The following ASIC2 variants were observed in gnomAD, a reference collection of about 807,000 sequenced individuals.
The protein encoded by ASIC2 is acid-sensing ion channel 2.
A neutral mutation model predicts 57.3 loss-of-function variants in ASIC2; 25 were observed. That is an observed-to-expected ratio of 0.44 (90% CI 0.32 to 0.61). The LOEUF is 0.61. ASIC2 is among the 20% of genes least tolerant of loss of function. ASIC2 has a pLI of 0.06. For missense variants in ASIC2, 641 were observed against 738.1 expected, an observed-to-expected ratio of 0.87 and a Z score of 1.52; for synonymous variants, 319 against 307.5, an observed-to-expected ratio of 1.04 and a Z score of -0.39.
At chr17:33,363,175 T>C (rs1009720619) in intron 1 of ASIC2, among the ~76,000 whole-genome samples, 3 of 152,160 alleles carry the variant, frequency 2.0e-5, no homozygotes, top group Non-Finnish European at 2.9e-5. Flanking sequence ...AACTTTTACA[T>C]TTCAAAAGAC....
intron 1 of ASIC2, among the ~76,000 whole-genome samples, chr17:33,579,167 T>A (rs1430993870): frequency 6.6e-6 from 1 of 151,238 alleles, no homozygotes; most frequent in Non-Finnish European, 1.5e-5. Flanking sequence ...GCGCCTGTAA[T>A]CCCAGCTACT....
In ASIC2 at chr17:33,471,858, T is replaced by C. The variant is rs1913061448; in HGVS notation, c.556-359791A>G. 2.6e-5 allele frequency among the ~76,000 whole-genome samples: 4 copies of C among 152,264 alleles called. No individual in the cohort carries two copies. The South Asian group carries it at 8.3e-4, about 32-fold the overall frequency. On this transcript the variant is annotated intron_variant, in intron 1 of 9. Coordinates refer to the ASIC2 transcript ENST00000359872. Reference sequence around the variant, plus strand: ...GCCAACCACTGTGTTAAACCATTTATATGCATTATCTAATTTAATGAAACA... The same window carrying C: ...GCCAACCACTGTGTTAAACCATTTACATGCATTATCTAATTTAATGAAACA...
At chr17:33,717,075 T>A (rs1318809152) in intron 1 of ASIC2, among the ~76,000 whole-genome samples, 2 of 152,220 alleles carry the variant, frequency 1.3e-5, no homozygotes, top group Non-Finnish European at 2.9e-5. Flanking sequence ...GCTATTTCCC[T>A]GGAATCATTT....
intron 1 of ASIC2, among the ~76,000 whole-genome samples, chr17:33,130,856 T>A (rs2142006415): frequency 6.6e-6 from 1 of 152,222 alleles, no homozygotes; most frequent in East Asian, 1.9e-4. Context: ...GAGATGGGAA[T>A]CCAAGTCAGA....
chr17:33,272,696 C>A (rs1289159707), intron 1 of ASIC2, among the ~76,000 whole-genome samples: 3 of 152,164 alleles, frequency 2.0e-5, no homozygotes, highest in Non-Finnish European at 4.4e-5. Flanking sequence ...CATCATCCAC[C>A]ATCATCACCA....
chr17:33,830,916 G>A (rs1232523821), intron 1 of ASIC2, among the ~76,000 whole-genome samples: 1 of 151,840 alleles, frequency 6.6e-6, no homozygotes, highest in African/African-American at 2.4e-5. Context: ...TTTGAGACCA[G>A]CCTGGCCAAC....
chr17:33,341,583 A>C (rs1185978997), intron 1 of ASIC2, among the ~76,000 whole-genome samples: 2 of 152,200 alleles, frequency 1.3e-5, no homozygotes, highest in Non-Finnish European at 2.9e-5. Flanking sequence ...CTAGTCCCTT[A>C]CAAAAACAGT....
chr17:33,096,628 G>A (rs1256366731), intron 2 of ASIC2, among the ~76,000 whole-genome samples: 2 of 152,174 alleles, frequency 1.3e-5, no homozygotes, highest in Non-Finnish European at 2.9e-5. Context: ...GGAGGTGGAC[G>A]ATAACAAACA....
At chr17:33,585,126 G>T (rs187580852) in intron 1 of ASIC2, among the ~76,000 whole-genome samples, 47 of 152,302 alleles carry the variant, frequency 3.1e-4, no homozygotes, top group Admixed American at 2.9e-3. Context: ...TTTAGTTGGG[G>T]TGGAAGGAGA....
intron 1 of ASIC2, among the ~76,000 whole-genome samples, chr17:33,621,068 GA>G (rs1488064139): frequency 1.3e-5 from 2 of 152,128 alleles, no homozygotes; most frequent in Non-Finnish European, 2.9e-5. Context: ...ATTGAGAGCT[GA>G]ACTAAAGTGC....
intron 1 of ASIC2, among the ~76,000 whole-genome samples, chr17:33,184,981 C>T (rs1328771825): frequency 1.3e-5 from 2 of 152,186 alleles, no homozygotes; most frequent in Non-Finnish European, 2.9e-5. Flanking sequence ...AACCCTATCA[C>T]TCCTTTGAGA....
intron 9 of ASIC2, 143 bp from the exon 10 acceptor site, chr17:33,014,209 A>G (rs1390880275): frequency 1.4e-6 from 1 of 702,298 alleles, no homozygotes; most frequent in African/African-American, 1.8e-5. Flanking sequence ...AGGCTAGTTT[A>G]CCATCTTGGG....
At chr17:33,195,916 G>C (rs1906607662) in intron 1 of ASIC2, among the ~76,000 whole-genome samples, 1 of 152,246 alleles carries the variant, frequency 6.6e-6, no homozygotes, top group East Asian at 1.9e-4. Flanking sequence ...CTAAGCCTCA[G>C]TTTCCTCCTT....
intron 6 of ASIC2, among the ~76,000 whole-genome samples, chr17:33,022,780 T>G (rs550954417): frequency 5.3e-5 from 8 of 152,272 alleles, no homozygotes; most frequent in African/African-American, 1.9e-4. Context: ...TTCAGTCTAG[T>G]GGGGCAGACA....
At chr17:33,781,067 A>G (rs1597873415) in intron 1 of ASIC2, among the ~76,000 whole-genome samples, 1 of 152,186 alleles carries the variant, frequency 6.6e-6, no homozygotes, top group East Asian at 1.9e-4. Flanking sequence ...AAGGAAACTC[A>G]AGGCATACAG....
At chr17:34,022,725 G>T (rs1275223239) in intron 1 of ASIC2, among the ~76,000 whole-genome samples, 1 of 151,806 alleles carries the variant, frequency 6.6e-6, no homozygotes, top group Non-Finnish European at 1.5e-5. Context: ...GCATGAAGAA[G>T]TGGTTCATTA....
rs547694316 is a variant in ASIC2 at position 33,942,448 on chromosome 17, C to T, written c.555+213530G>A. Among the ~76,000 whole-genome samples the T allele has an allele frequency of 4.6e-5, 7 of 152,292 alleles. No individual in the cohort carries two copies. The East Asian group carries it at 9.7e-4, about 21-fold the overall frequency. ...AAGTGCAGGGTCTAACTCAAGTTCA[C>T]ACAACAGCCAATGGAAGAGCCAAGG... On this transcript the variant is annotated intron_variant, in intron 1 of 9. Coordinates refer to the ASIC2 transcript ENST00000359872.
chr17:33,068,043 CA>C (rs1036840443), intron 3 of ASIC2, among the ~76,000 whole-genome samples: 2 of 152,092 alleles, frequency 1.3e-5, no homozygotes, highest in African/African-American at 2.4e-5. Context: ...GAGAGGAGGT[CA>C]AATAAAGATG....
At chr17:33,722,139 A>G (rs1423561859) in intron 1 of ASIC2, among the ~76,000 whole-genome samples, 1 of 152,208 alleles carries the variant, frequency 6.6e-6, no homozygotes, top group Non-Finnish European at 1.5e-5. Context: ...AGGTAATTGA[A>G]TCATGGGGGT....
Sources: gnomAD v4.1 joint callset for allele counts (sites outside exome capture counted in the v4.1 genomes callset) on GRCh38, gnomAD v4.1.1 for gene constraint, MANE v1.5 for transcripts, NCBI Gene and HGNC (gene_info 2026-07-23, HGNC 2026-07-21) for gene names.